Variants in FGF12 observed in about 807,000 individuals in gnomAD.
The protein encoded by FGF12 is fibroblast growth factor 12, also known as fibroblast growth factor 12B.
A neutral mutation model predicts 23.6 loss-of-function variants in FGF12; 14 were observed. The ratio of observed to expected loss-of-function variants is 0.59; its 90% CI spans 0.39 to 0.93. The LOEUF (loss-of-function observed/expected upper bound fraction) is 0.93. Among genes scored for constraint, FGF12 ranks in the 40% least tolerant of loss-of-function variants. The pLI, the probability that FGF12 is intolerant of heterozygous loss-of-function variation, is 0.00. For synonymous variants in FGF12, 62 were observed against 77.3 expected (o/e 0.80, Z 1.04); for missense variants, 175 against 217.8 (o/e 0.80, Z 1.24).
At chr3:192,164,652 A>C (rs528434595) in intron 5 of FGF12, among the ~76,000 whole-genome samples, 21 of 152,176 alleles carry the variant, frequency 1.4e-4, no homozygotes, top group African/African-American at 4.6e-4. Context: ...GCCAAAAAAA[A>C]CCCTACTTTG....
At chr3:192,588,714 C>T (rs1713493572) in intron 2 of FGF12, among the ~76,000 whole-genome samples, 1 of 151,928 alleles carries the variant, frequency 6.6e-6, no homozygotes, top group Admixed American at 6.6e-5. Context: ...CAAATTAACT[C>T]ACCAAGGCTA....
At chr3:192,300,134 C>G (rs1354657010) in intron 4 of FGF12, among the ~76,000 whole-genome samples, 1 of 152,178 alleles carries the variant, frequency 6.6e-6, no homozygotes, top group Non-Finnish European at 1.5e-5. Context: ...AGGGCATGCT[C>G]AGGAAGACAC....
At chr3:192,322,106 TAAAC>T (rs1287406651) in intron 4 of FGF12, among the ~76,000 whole-genome samples, 3 of 152,022 alleles carry the variant, frequency 2.0e-5, no homozygotes, top group African/African-American at 4.8e-5. Flanking sequence ...TTCGAGCTGA[TAAAC>T]AAATTCAGTT....
intron 2 of FGF12, among the ~76,000 whole-genome samples, chr3:192,396,738 C>T (rs1173066504): frequency 2.6e-5 from 4 of 152,184 alleles, no homozygotes; most frequent in Admixed American, 2.0e-4. Context: ...AATCAAGGTG[C>T]CAGTTCAACC....
intron 2 of FGF12, among the ~76,000 whole-genome samples, chr3:192,576,914 G>A (rs548069101): frequency 1.2e-4 from 19 of 152,242 alleles, no homozygotes; most frequent in Admixed American, 3.9e-4. Flanking sequence ...CAGGGACAGG[G>A]GATGAAGCTG....
At chr3:192,453,176 A>G (rs970801766) in intron 2 of FGF12, among the ~76,000 whole-genome samples, 3 of 151,480 alleles carry the variant, frequency 2.0e-5, no homozygotes, top group Admixed American at 2.0e-4. Flanking sequence ...CTCCCTTTTC[A>G]TTTATTCTTT....
chr3:192,697,786 TC>T (rs1718170837), intron 2 of FGF12, among the ~76,000 whole-genome samples: 1 of 152,210 alleles, frequency 6.6e-6, no homozygotes, highest in Admixed American at 6.5e-5. Flanking sequence ...AGCACACGAC[TC>T]CTTAGAGGAC....
intron 2 of FGF12, among the ~76,000 whole-genome samples, chr3:192,447,896 A>G (rs1722406163): frequency 6.6e-6 from 1 of 152,204 alleles, no homozygotes; most frequent in African/African-American, 2.4e-5. Flanking sequence ...GTCCCTTCTC[A>G]GGCAATACCC....
At chr3:192,645,950 G>A (rs1368269952) in intron 2 of FGF12, among the ~76,000 whole-genome samples, 3 of 152,058 alleles carry the variant, frequency 2.0e-5, no homozygotes. Flanking sequence ...AGACTGAGTT[G>A]GGGAGTAGGA....
chr3:192,163,909 T>C (rs1003315229), intron 5 of FGF12, among the ~76,000 whole-genome samples: 6 of 152,108 alleles, frequency 3.9e-5, no homozygotes, highest in Non-Finnish European at 8.8e-5. Context: ...AATATTCCTT[T>C]ATTCCAAGTT....
intron 2 of FGF12, among the ~76,000 whole-genome samples, chr3:192,467,920 G>T (rs1392850693): frequency 6.6e-6 from 1 of 152,128 alleles, no homozygotes; most frequent in Non-Finnish European, 1.5e-5. Context: ...AGCACAACAG[G>T]CCATATACAT....
chr3:192,721,342 A>G (rs953586985), intron 2 of FGF12, among the ~76,000 whole-genome samples: 1 of 152,190 alleles, frequency 6.6e-6, no homozygotes, highest in Non-Finnish European at 1.5e-5. Context: ...AAGAATTTTT[A>G]TTTTGCAGAG....
At chr3:192,644,421 A>G (rs1503589) in intron 2 of FGF12, among the ~76,000 whole-genome samples, 81,703 of 151,718 alleles carry the variant, frequency 0.54, 22,421 homozygotes, top group East Asian at 0.67. Flanking sequence ...TGTTTTCTGG[A>G]TCACCTCATA....
At chr3:192,149,286 C>G (rs1713903428) in intron 5 of FGF12, among the ~76,000 whole-genome samples, 1 of 151,726 alleles carries the variant, frequency 6.6e-6, no homozygotes, top group South Asian at 2.1e-4. Context: ...TGAGTGAACT[C>G]TGTAAGGAAT....
chr3:192,440,453 G>A (rs1374188433), intron 2 of FGF12, among the ~76,000 whole-genome samples: 1 of 152,226 alleles, frequency 6.6e-6, no homozygotes, highest in African/African-American at 2.4e-5. Context: ...TTGGGGGAGA[G>A]CAACAATGTG....
At chr3:192,493,465 A>G (rs1332261914) in intron 2 of FGF12, among the ~76,000 whole-genome samples, 3 of 152,112 alleles carry the variant, frequency 2.0e-5, no homozygotes, top group Non-Finnish European at 4.4e-5. Flanking sequence ...AAATTTTACC[A>G]CTCAAAGGAA....
At chr3:192,347,986 T>C (rs1341978039) in intron 3 of FGF12, among the ~76,000 whole-genome samples, 1 of 152,188 alleles carries the variant, frequency 6.6e-6, no homozygotes, top group African/African-American at 2.4e-5. Context: ...GAGATACTCA[T>C]ATTAATATCC....
intron 5 of FGF12, among the ~76,000 whole-genome samples, chr3:192,158,372 TTCTTTCTTTC>T (rs1560171479): frequency 3.3e-5 from 4 of 121,528 alleles, no homozygotes; most frequent in African/African-American, 9.7e-5. Context: ...CTTTCTTTCT[TTCTTTCTTTC>T]TTTTCTTTCT....
chr3:192,311,947 A>ATCTG (rs1715966018), intron 4 of FGF12, among the ~76,000 whole-genome samples: 1 of 151,604 alleles, frequency 6.6e-6, no homozygotes, highest in Non-Finnish European at 1.5e-5. Context: ...CTATCTATCT[A>ATCTG]TCTATCTATC....
Sources: gnomAD v4.1 joint callset for allele counts (sites outside exome capture counted in the v4.1 genomes callset) on GRCh38, gnomAD v4.1.1 for gene constraint, MANE v1.5 for transcripts, NCBI Gene and HGNC (gene_info 2026-07-23, HGNC 2026-07-21) for gene names.